The following TMEM232 variants were observed in gnomAD, a reference collection of about 807,000 sequenced individuals.
The protein encoded by TMEM232 is transmembrane protein 232.
TMEM232 carries 80 observed loss-of-function variants against 78.8 expected under a neutral mutation model. The ratio of observed to expected loss-of-function variants is 1.01; its 90% CI spans 0.85 to 1.22. TMEM232 has a LOEUF of 1.22. TMEM232 is among the 50% of genes most tolerant of loss of function. The probability of loss-of-function intolerance (pLI) is 0.00; values close to 1 mark genes in which losing one functional copy is unlikely to be tolerated. For synonymous variants in TMEM232, 297 were observed against 254.3 expected (o/e 1.17, Z -1.60); for missense variants, 881 against 742.2 (o/e 1.19, Z -2.17).
chr5:110,401,991 A>G (rs1009844387), intron 2 of TMEM232, among the ~76,000 whole-genome samples: 3 of 152,034 alleles, frequency 2.0e-5, no homozygotes, highest in Non-Finnish European at 2.9e-5. Context: ...CTGTCATTGC[A>G]CTGGCACTGG....
chr5:110,423,277 C>T (rs1457472697), intron 13 of TMEM232, among the ~76,000 whole-genome samples: 1 of 152,110 alleles, frequency 6.6e-6, no homozygotes, highest in East Asian at 1.9e-4. Context: ...GACTCATTTA[C>T]TTAAAACATT....
intron 2 of TMEM232, among the ~76,000 whole-genome samples, chr5:110,655,408 A>T (rs7726328): frequency 6.4e-5 from 9 of 140,212 alleles, no homozygotes; most frequent in African/African-American, 8.0e-5. Flanking sequence ...AGGAAACAAC[A>T]GGTGCTGGAG....
intron 12 of TMEM232, among the ~76,000 whole-genome samples, chr5:110,444,470 G>C (rs1344516897): frequency 6.6e-6 from 1 of 152,168 alleles, no homozygotes; most frequent in Non-Finnish European, 1.5e-5. Context: ...AGCAATTCAA[G>C]ACTGTCTCTC....
At position 110,712,946 on chromosome 5, in the gene TMEM232, GATATCTGCACTCTCATGTTTGTTATAA is replaced by G; in HGVS notation, c.-13+13654_-13+13680del. Among the ~76,000 whole-genome samples, 13 of 152,246 alleles carry G rather than the reference GATATCTGCACTCTCATGTTTGTTATAA, an allele frequency of 8.5e-5. 2 individuals are homozygous for G. Among genetic ancestry groups the G allele is most frequent in the East Asian group, 5.8e-4 (3 of 5,188 alleles). ...AGAAGGGAAATTAGTATATCAAAAA[GATATCTGCACTCTCATGTTTGTTATAA>G]CACTGTCCACAAAGCCAAGATTTGG... On this transcript the variant is annotated intron_variant, in intron 1 of 13. Coordinates refer to ENST00000455884, the MANE Select transcript of TMEM232 (RefSeq NM_001039763.4).
chr5:110,617,621 A>T (rs1257324050), intron 8 of TMEM232, among the ~76,000 whole-genome samples: 1 of 152,062 alleles, frequency 6.6e-6, no homozygotes, highest in African/African-American at 2.4e-5. Context: ...TCTCATCTTA[A>T]ATTAACATAT....
chr5:110,574,715 T>C (rs1230645269), intron 10 of TMEM232, among the ~76,000 whole-genome samples: 1 of 152,124 alleles, frequency 6.6e-6, no homozygotes, highest in East Asian at 1.9e-4. Context: ...CACACATCAT[T>C]GCTAGAAGTA....
chr5:110,631,539 G>A (rs1268388912), intron 5 of TMEM232, among the ~76,000 whole-genome samples: 1 of 152,120 alleles, frequency 6.6e-6, no homozygotes, highest in Non-Finnish European at 1.5e-5. Context: ...TACCTCTGCA[G>A]GCCCAGCCAC....
chr5:110,590,192 T>C (rs1002153471), intron 10 of TMEM232, among the ~76,000 whole-genome samples: 2 of 152,154 alleles, frequency 1.3e-5, no homozygotes, highest in Non-Finnish European at 2.9e-5. Flanking sequence ...CTTGAATTAA[T>C]AGCCATTTGA....
At chr5:110,505,677 T>G (rs537076366) in intron 12 of TMEM232, among the ~76,000 whole-genome samples, 7 of 152,038 alleles carry the variant, frequency 4.6e-5, no homozygotes, top group African/African-American at 1.4e-4. Flanking sequence ...CTAATTTTTT[T>G]TGTGTATTTT....
Position 110,468,435 on chromosome 5 carries a change from G to GTTGT in TMEM232, c.1704-43523_1704-43520dup, listed in dbSNP as rs1288966606. Among the ~76,000 whole-genome samples the GTTGT allele has an allele frequency of 2.6e-5, 4 of 152,044 alleles. No homozygotes were observed. The East Asian group carries it at 7.7e-4, about 29-fold the overall frequency. On this transcript the variant is annotated intron_variant, in intron 12 of 13. Coordinates refer to ENST00000455884, the MANE Select transcript of TMEM232 (RefSeq NM_001039763.4). ...TACTACTATAAAATGATGAACTAAG[G>GTTGT]TTGTTAGAGGGAAATTTATAGCCCT...
chr5:110,412,579 T>TA (rs925271621), intron 2 of TMEM232, among the ~76,000 whole-genome samples: 2 of 151,010 alleles, frequency 1.3e-5, no homozygotes, highest in African/African-American at 4.9e-5. Flanking sequence ...TTTTTTTTTT[T>TA]ATCAGAATAA....
intron 12 of TMEM232, among the ~76,000 whole-genome samples, chr5:110,481,488 T>C (rs927131775): frequency 2.0e-5 from 3 of 152,108 alleles, no homozygotes; most frequent in African/African-American, 7.2e-5. Flanking sequence ...TTCCCCCTTT[T>C]ATTAGCAAAT....
At chr5:110,416,310 G>C (rs1398125775), downstream of TMEM232, among the ~76,000 whole-genome samples, 2 of 152,170 alleles carry the variant, frequency 1.3e-5, no homozygotes, top group African/African-American at 4.8e-5. Context: ...TGGCACAACA[G>C]TTTCATGACT....
At chr5:110,603,824 A>C (rs2149821442) in intron 10 of TMEM232, among the ~76,000 whole-genome samples, 1 of 152,318 alleles carries the variant, frequency 6.6e-6, no homozygotes, top group East Asian at 1.9e-4. Flanking sequence ...CTATTGATTA[A>C]GCCAAAAATA....
At chr5:110,596,653 A>C (rs1780206495) in intron 10 of TMEM232, among the ~76,000 whole-genome samples, 1 of 152,132 alleles carries the variant, frequency 6.6e-6, no homozygotes, top group Non-Finnish European at 1.5e-5. Context: ...GCACATCAAA[A>C]AGCTTATCCA....
At chr5:110,627,754 T>C in intron 6 of TMEM232, 27 bp downstream of exon 6, 1 of 1,349,640 alleles carries the variant, frequency 7.4e-7, no homozygotes, top group Non-Finnish European at 1.0e-6. Context: ...AAAACATTTA[T>C]AAGTGTAAAA....
intron 12 of TMEM232, among the ~76,000 whole-genome samples, chr5:110,514,995 T>C (rs1768388880): frequency 6.6e-6 from 1 of 152,182 alleles, no homozygotes; most frequent in Non-Finnish European, 1.5e-5. Context: ...TGCTCAAGGC[T>C]TAGGTATCAG....
chr5:110,733,323 C>T (rs1485476866), intron 2 of TMEM232, among the ~76,000 whole-genome samples: 1 of 152,072 alleles, frequency 6.6e-6, no homozygotes, highest in Non-Finnish European at 1.5e-5. Flanking sequence ...TACCACTTGA[C>T]CCAGAAATCC....
chr5:110,520,628 A>G (rs980161134), intron 12 of TMEM232, among the ~76,000 whole-genome samples: 1 of 152,146 alleles, frequency 6.6e-6, no homozygotes, highest in African/African-American at 2.4e-5. Context: ...AGTGACTTAA[A>G]ATAATAATGG....
Sources: gnomAD v4.1 joint callset for allele counts (sites outside exome capture counted in the v4.1 genomes callset) on GRCh38, gnomAD v4.1.1 for gene constraint, MANE v1.5 for transcripts, NCBI Gene and HGNC (gene_info 2026-07-23, HGNC 2026-07-21) for gene names.